The following SVOPL variants were observed in gnomAD, a reference collection of about 807,000 sequenced individuals.
SVOPL encodes SVOP like, also known as putative transporter SVOPL.
In SVOPL, 60 loss-of-function variants were observed where a neutral mutation model predicts 61.0. The observed-to-expected ratio is 0.98, with a 90% CI of 0.80 to 1.22. The LOEUF (loss-of-function observed/expected upper bound fraction) is 1.22. Ranked by LOEUF, SVOPL falls within the 50% of genes most tolerant of loss-of-function variation. The pLI is 0.00. For synonymous variants in SVOPL, 279 were observed against 250.0 expected (o/e 1.12, Z -1.09); for missense variants, 662 against 643.9 (o/e 1.03, Z -0.30).
chr7:138,643,286 A>G (rs754409909), intron 9 of SVOPL, among the ~76,000 whole-genome samples: 17 of 151,804 alleles, frequency 1.1e-4, no homozygotes, highest in South Asian at 4.2e-4. Context: ...TTAGCTGGGC[A>G]TGGTGGCAGG....
intron 7 of SVOPL, among the ~76,000 whole-genome samples, chr7:138,653,932 CAA>C (rs34826230): frequency 0.07 from 9,268 of 132,430 alleles, 806 homozygotes; most frequent in African/African-American, 0.21. Flanking sequence ...GACTCTGTCT[CAA>C]AAAAAAAAAA....
chr7:138,632,948 A>G (rs1800283013), intron 9 of SVOPL, among the ~76,000 whole-genome samples: 1 of 152,152 alleles, frequency 6.6e-6, no homozygotes, highest in Non-Finnish European at 1.5e-5. Flanking sequence ...TACTGTTTAC[A>G]CTATTGACAA....
chr7:138,659,757 A>G, intron 6 of SVOPL, 107 bp downstream of exon 6: 1 of 1,108,076 alleles, frequency 9.0e-7, no homozygotes, highest in Non-Finnish European at 1.3e-6. Flanking sequence ...CCTGTCTCAG[A>G]TATGTTGGGT....
At chr7:138,680,872 C>T (rs1198257063) in intron 1 of SVOPL, among the ~76,000 whole-genome samples, 2 of 152,122 alleles carry the variant, frequency 1.3e-5, no homozygotes, top group Non-Finnish European at 2.9e-5. Flanking sequence ...AGCCACCTTG[C>T]CCGGCCAGAC....
intron 14 of SVOPL, among the ~76,000 whole-genome samples, chr7:138,619,545 T>G (rs995091223): frequency 8.0e-5 from 11 of 136,972 alleles, no homozygotes; most frequent in Non-Finnish European, 1.1e-4. Context: ...GGGGATTAGC[T>G]TGGTTTCTCA....
chr7:138,619,233 C>T (rs1348977190), intron 14 of SVOPL, among the ~76,000 whole-genome samples: 2 of 151,990 alleles, frequency 1.3e-5, no homozygotes, highest in African/African-American at 4.8e-5. Context: ...CATAGTGAGA[C>T]TCCATCTCTA....
At chr7:138,612,447 T>TAAAAAAAAAAAAAA (rs59229265) in intron 14 of SVOPL, among the ~76,000 whole-genome samples, 1 of 22,296 alleles carries the variant, frequency 4.5e-5, no homozygotes, top group Non-Finnish European at 9.2e-5. Flanking sequence ...AAAAAAAAAA[T>TAAAAAAAAAAAAAA]AAAAAAAAAA....
chr7:138,644,539 C>T (rs1800994543), intron 9 of SVOPL, among the ~76,000 whole-genome samples, 178 bp downstream of exon 9: 1 of 152,214 alleles, frequency 6.6e-6, no homozygotes, highest in Non-Finnish European at 1.5e-5. Context: ...AGGTAACTCA[C>T]TAGGCTCCCA....
intron 5 of SVOPL, chr7:138,660,843 A>G: frequency 6.1e-6 from 6 of 984,470 alleles, no homozygotes; most frequent in Non-Finnish European, 7.2e-6. Flanking sequence ...TGTTATATAT[A>G]GTAAGGGTGT....
chr7:138,691,777 G>A (rs1802949275), intron 1 of SVOPL, among the ~76,000 whole-genome samples: 1 of 151,896 alleles, frequency 6.6e-6, no homozygotes, highest in Admixed American at 6.6e-5. Context: ...CTGACCTCAG[G>A]TGATCCACCC....
chr7:138,633,338 G>C (rs1186835538), intron 9 of SVOPL, among the ~76,000 whole-genome samples: 2 of 152,138 alleles, frequency 1.3e-5, no homozygotes, highest in African/African-American at 4.8e-5. Context: ...TTGGGTCGTG[G>C]GGGTGGATCC....
At chr7:138,678,263 G>A (rs1802617478) in intron 3 of SVOPL, among the ~76,000 whole-genome samples, 171 bp downstream of exon 3, 1 of 151,948 alleles carries the variant, frequency 6.6e-6, no homozygotes, top group Non-Finnish European at 1.5e-5. Context: ...GTATTTGATG[G>A]ATGTCTCCTG....
At chr7:138,657,272 C>T (rs542088824) in intron 6 of SVOPL, among the ~76,000 whole-genome samples, 2 of 152,184 alleles carry the variant, frequency 1.3e-5, no homozygotes, top group Non-Finnish European at 2.9e-5. Flanking sequence ...CTTCTCACCT[C>T]AGCCTCCCAA....
At chr7:138,648,533 C>CAAA (rs61171485) in intron 8 of SVOPL, among the ~76,000 whole-genome samples, 2 of 73,782 alleles carry the variant, frequency 2.7e-5, no homozygotes, top group East Asian at 7.9e-4. Context: ...ACTAAAAATC[C>CAAA]AAAAAAAAAA....
intron 14 of SVOPL, among the ~76,000 whole-genome samples, chr7:138,601,617 G>C (rs148637597): frequency 6.6e-6 from 1 of 152,116 alleles, no homozygotes; most frequent in East Asian, 1.9e-4. Flanking sequence ...AGGGGGAAAT[G>C]GGAAGATGTA....
At chr7:138,615,546 C>A (rs10954623) in intron 14 of SVOPL, among the ~76,000 whole-genome samples, 1 of 25,986 alleles carries the variant, frequency 3.8e-5, no homozygotes, top group African/African-American at 7.7e-5. Flanking sequence ...GGTGACAGAG[C>A]GAGACTCCGT....
intron 9 of SVOPL, among the ~76,000 whole-genome samples, chr7:138,635,489 C>G (rs796806504): frequency 1.5e-4 from 23 of 151,874 alleles, no homozygotes; most frequent in African/African-American, 5.6e-4. Flanking sequence ...CCTCCTGCCC[C>G]AGCCTTCCAA....
rs1563114601 is a variant in SVOPL at position 138,644,723 on chromosome 7, G to A, written c.783C>T (p.Pro261=). The A allele has an allele frequency of 3.1e-6, 5 of 1,614,040 alleles. No homozygotes were observed. The highest frequency in any genetic ancestry group is 2.7e-5 in the African/African-American group (2 of 75,034). ...CTCGGGGGCCAGCACTCACCAGGAC[G>A]GGCTCCACCAGCTTCCCCTCCGGCA... ...SVMPEGKLVE[P]VLEKRGRFAD... The change falls in exon 9 of 16, where the codon CCC becomes CCT. Residue 261 remains proline, a synonymous_variant. Transcript: ENST00000674285.
At position 138,684,163 on chromosome 7, in the gene SVOPL, G is replaced by A. The variant is rs572716350; in HGVS notation, c.-34-5084C>T. ...GCAGATCACCCGAGGTCAGGAGTTCGAGAACAGCCTGGCCAACATGGTGAA... is the reference window on the plus strand; with the variant it reads ...GCAGATCACCCGAGGTCAGGAGTTCAAGAACAGCCTGGCCAACATGGTGAA... On this transcript the variant is annotated intron_variant, in intron 1 of 15. Transcript: ENST00000674285. Among the ~76,000 whole-genome samples the A allele has an allele frequency of 2.0e-4, 31 of 151,780 alleles. No homozygotes were observed. The South Asian group carries it at 2.5e-3, about 12-fold the overall frequency.
Sources: gnomAD v4.1 joint callset for allele counts (sites outside exome capture counted in the v4.1 genomes callset) on GRCh38, gnomAD v4.1.1 for gene constraint, MANE v1.5 for transcripts, NCBI Gene and HGNC (gene_info 2026-07-23, HGNC 2026-07-21) for gene names.